NTM: variants seen among roughly 807,000 people sequenced by gnomAD.
The protein encoded by NTM is IgLON family member 2.
A neutral mutation model predicts 42.1 loss-of-function variants in NTM; 13 were observed. The ratio of observed to expected loss-of-function variants is 0.31; its 90% confidence interval spans 0.20 to 0.49. The LOEUF is 0.49. Ranked by LOEUF, NTM falls within the 20% of genes least tolerant of loss-of-function variation. The probability of loss-of-function intolerance (pLI) is 0.99; values close to 1 mark genes in which losing one functional copy is unlikely to be tolerated. For missense variants in NTM, 373 were observed against 452.8 expected, an observed-to-expected ratio of 0.82 and a Z score of 1.60; for synonymous variants, 187 against 179.2, an observed-to-expected ratio of 1.04 and a Z score of -0.35.
chr11:131,735,479 C>T (rs1565483108), intron 1 of NTM, among the ~76,000 whole-genome samples: 1 of 152,168 alleles, frequency 6.6e-6, no homozygotes. Flanking sequence ...TGATGAAACA[C>T]ACAGGTGTGA....
At chr11:131,841,921 TG>T (rs1192625371) in intron 1 of NTM, among the ~76,000 whole-genome samples, 2 of 152,158 alleles carry the variant, frequency 1.3e-5, no homozygotes, top group African/African-American at 4.8e-5. Context: ...AGGAAGAAAG[TG>T]GCAAGAGATG....
chr11:132,034,605 C>T (rs540677705), intron 2 of NTM, among the ~76,000 whole-genome samples: 1 of 152,170 alleles, frequency 6.6e-6, no homozygotes, highest in Non-Finnish European at 1.5e-5. Context: ...GTAACTCTGT[C>T]GTGTTTCTCC....
chr11:131,745,439 A>G (rs1374996861), intron 1 of NTM, among the ~76,000 whole-genome samples: 1 of 152,226 alleles, frequency 6.6e-6, no homozygotes, highest in African/African-American at 2.4e-5. Context: ...AGCCCTGTGC[A>G]AACATTGTAG....
chr11:131,399,269 T>C (rs1439370304), intron 1 of NTM, among the ~76,000 whole-genome samples: 1 of 152,120 alleles, frequency 6.6e-6, no homozygotes, highest in Non-Finnish European at 1.5e-5. Context: ...CTGCCCTGAA[T>C]TTACAGGGAT....
intron 1 of NTM, among the ~76,000 whole-genome samples, chr11:131,774,554 G>A (rs2086656163): frequency 6.6e-6 from 1 of 152,130 alleles, no homozygotes; most frequent in South Asian, 2.1e-4. Context: ...TTTATTGATG[G>A]CATGCGGAAT....
intron 1 of NTM, among the ~76,000 whole-genome samples, chr11:131,813,771 C>A (rs1286532498): frequency 6.6e-6 from 1 of 152,138 alleles, no homozygotes; most frequent in Non-Finnish European, 1.5e-5. Context: ...ATGCAATTGG[C>A]AGTATAACTT....
chr11:131,398,166 C>T (rs1438633110), intron 1 of NTM, among the ~76,000 whole-genome samples: 1 of 152,110 alleles, frequency 6.6e-6, no homozygotes, highest in Admixed American at 6.5e-5. Flanking sequence ...TGTAGCACTG[C>T]ATATGTTTGA....
intron 1 of NTM, among the ~76,000 whole-genome samples, chr11:131,746,809 G>A (rs959114220): frequency 2.0e-5 from 3 of 151,844 alleles, no homozygotes; most frequent in Non-Finnish European, 2.9e-5. Context: ...TGTACCCTCC[G>A]AAAAAGGCAG....
chr11:132,052,119 G>A (rs1181860749), intron 2 of NTM, among the ~76,000 whole-genome samples: 1 of 152,112 alleles, frequency 6.6e-6, no homozygotes, highest in Admixed American at 6.6e-5. Context: ...AAAAATATTG[G>A]GGTGTTAAAG....
At chr11:131,795,320 G>T in intron 1 of NTM, 6 of 856,898 alleles carry the variant, frequency 7.0e-6, no homozygotes, top group Non-Finnish European at 8.4e-6. Flanking sequence ...GTGCCCAGGC[G>T]CTCCTAATAT....
Position 131,607,567 on chromosome 11 carries a change from A to G in NTM, c.82+236679A>G, listed in dbSNP as rs1483774960. 5.3e-5 allele frequency among the ~76,000 whole-genome samples: 8 copies of G among 152,188 alleles called. No homozygotes were observed. In the East Asian group the frequency reaches 1.4e-3, roughly 26 times the overall value. ...AATGATGGCCTCTCTCTCCTGGGGT[A>G]GGGGAGTATGTATGAAAGAGCTTGG... On this transcript the variant is annotated intron_variant, in intron 1 of 8. Transcript: ENST00000683400.
chr11:131,474,928 C>T (rs1485578781), intron 1 of NTM, among the ~76,000 whole-genome samples: 1 of 152,144 alleles, frequency 6.6e-6, no homozygotes, highest in East Asian at 1.9e-4. Flanking sequence ...CAACGAAAGG[C>T]TTAATATATG....
At chr11:131,921,050 C>A (rs540400213) in intron 2 of NTM, among the ~76,000 whole-genome samples, 1 of 151,974 alleles carries the variant, frequency 6.6e-6, no homozygotes, top group Non-Finnish European at 1.5e-5. Flanking sequence ...AGAACGCATG[C>A]GAATTATTTT....
At chr11:131,710,631 C>T (rs2077026123) in intron 1 of NTM, among the ~76,000 whole-genome samples, 1 of 152,130 alleles carries the variant, frequency 6.6e-6, no homozygotes, top group Non-Finnish European at 1.5e-5. Flanking sequence ...AAACCAGCAC[C>T]ATTAACAGCA....
At chr11:131,532,369 T>C (rs2051411190) in intron 1 of NTM, among the ~76,000 whole-genome samples, 3 of 152,248 alleles carry the variant, frequency 2.0e-5, no homozygotes, top group Admixed American at 2.0e-4. Flanking sequence ...GTTTTCAAGA[T>C]GTATCTATGT....
intron 2 of NTM, among the ~76,000 whole-genome samples, chr11:132,106,510 C>T (rs1025216498): frequency 6.6e-5 from 10 of 152,228 alleles, no homozygotes; most frequent in African/African-American, 1.9e-4. Context: ...CACGTGACCA[C>T]GCCAAAGGAG....
chr11:131,906,420 C>A (rs531902443), intron 1 of NTM, among the ~76,000 whole-genome samples: 2 of 152,242 alleles, frequency 1.3e-5, no homozygotes, highest in Admixed American at 6.5e-5. Context: ...AACTCCTCCT[C>A]CTTCCTGGGG....
chr11:131,823,379 T>A (rs2093270753), intron 1 of NTM, among the ~76,000 whole-genome samples: 1 of 152,168 alleles, frequency 6.6e-6, no homozygotes, highest in Admixed American at 6.5e-5. Context: ...ATGCAGTAGG[T>A]AAGCACGAAA....
intron 4 of NTM, among the ~76,000 whole-genome samples, chr11:132,307,182 T>C (rs978209071): frequency 1.2e-4 from 18 of 152,188 alleles, no homozygotes; most frequent in Non-Finnish European, 2.2e-4. Context: ...AATTAAATTT[T>C]TTATGTTAGT....
Sources: allele counts gnomAD v4.1 joint callset (sites outside exome capture counted in the v4.1 genomes callset), GRCh38; gene constraint gnomAD v4.1.1; transcripts MANE v1.5; gene names NCBI Gene and HGNC (gene_info 2026-07-23, HGNC 2026-07-21).